SHISA6: variants seen among roughly 807,000 people sequenced by gnomAD.
SHISA6 encodes protein shisa-6.
In SHISA6, 22 loss-of-function variants were observed where a neutral mutation model predicts 47.9. The observed-to-expected ratio is 0.46, with a 90% CI of 0.33 to 0.66. SHISA6 has a LOEUF of 0.66. Ranked by LOEUF, SHISA6 falls within the 30% of genes least tolerant of loss-of-function variation. The pLI, the probability that SHISA6 is intolerant of heterozygous loss-of-function variation, is 0.02. For synonymous variants in SHISA6, 388 were observed against 337.8 expected, an observed-to-expected ratio of 1.15 and a Z score of -1.63; for missense variants, 680 against 764.6, an observed-to-expected ratio of 0.89 and a Z score of 1.30.
chr17:11,249,940 A>G (rs1907739354), intron 1 of SHISA6, among the ~76,000 whole-genome samples: 1 of 152,214 alleles, frequency 6.6e-6, no homozygotes, highest in Non-Finnish European at 1.5e-5. Flanking sequence ...GTGCCTGGCA[A>G]TCCACGATGA....
chr17:11,295,207 G>T (rs530972885), intron 2 of SHISA6, among the ~76,000 whole-genome samples: 2 of 152,190 alleles, frequency 1.3e-5, no homozygotes, highest in East Asian at 1.9e-4. Context: ...AATTGAAACC[G>T]CAGAAAGCAA....
intron 3 of SHISA6, among the ~76,000 whole-genome samples, chr17:11,528,791 A>C (rs1051897805): frequency 2.6e-5 from 4 of 152,208 alleles, no homozygotes; most frequent in Non-Finnish European, 4.4e-5. Context: ...CATGACACAG[A>C]CATCACCAGA....
chr17:11,541,705 T>G (rs1861573), intron 3 of SHISA6, among the ~76,000 whole-genome samples: 1 of 151,962 alleles, frequency 6.6e-6, no homozygotes, highest in Non-Finnish European at 1.5e-5. Context: ...AAAATGTATT[T>G]GGAATTTTAC....
intron 1 of SHISA6, among the ~76,000 whole-genome samples, chr17:11,248,403 A>G (rs974869985): frequency 2.0e-5 from 3 of 152,188 alleles, no homozygotes; most frequent in African/African-American, 7.2e-5. Context: ...AGTGCCAAGG[A>G]GCCCAGCTAG....
chr17:11,271,109 G>T (rs899724229), intron 2 of SHISA6, among the ~76,000 whole-genome samples: 2 of 152,106 alleles, frequency 1.3e-5, no homozygotes, highest in African/African-American at 4.8e-5. Flanking sequence ...GGCGGGAAGG[G>T]TGTGAAACAG....
intron 3 of SHISA6, among the ~76,000 whole-genome samples, chr17:11,529,836 G>T (rs2071717373): frequency 6.6e-6 from 1 of 151,976 alleles, no homozygotes; most frequent in Admixed American, 6.6e-5. Context: ...CCTAATAGGG[G>T]AAAAATGGGC....
chr17:11,329,358 G>A (rs187559454), intron 2 of SHISA6, among the ~76,000 whole-genome samples: 2 of 152,158 alleles, frequency 1.3e-5, no homozygotes, highest in Admixed American at 6.5e-5. Flanking sequence ...AATGTAAATC[G>A]ACACCAAATT....
At chr17:11,552,820 A>C (rs1383011402) in intron 4 of SHISA6, among the ~76,000 whole-genome samples, 1 of 152,238 alleles carries the variant, frequency 6.6e-6, no homozygotes, top group Non-Finnish European at 1.5e-5. Flanking sequence ...AAATGATGAA[A>C]GCAATAGTAT....
At chr17:11,281,216 C>T (rs1909109110) in intron 2 of SHISA6, among the ~76,000 whole-genome samples, 2 of 152,044 alleles carry the variant, frequency 1.3e-5, no homozygotes, top group Non-Finnish European at 2.9e-5. Context: ...AACATACAGT[C>T]AAAGTGGTGA....
chr17:11,464,289 A>C (rs1000457877), intron 3 of SHISA6, among the ~76,000 whole-genome samples: 7 of 152,206 alleles, frequency 4.6e-5, no homozygotes, highest in African/African-American at 1.4e-4. Flanking sequence ...TCCTTTTTGG[A>C]TTAACTATAA....
intron 3 of SHISA6, among the ~76,000 whole-genome samples, chr17:11,473,985 A>C (rs1915992112): frequency 1.3e-5 from 2 of 150,906 alleles, no homozygotes; most frequent in Admixed American, 6.6e-5. Context: ...TTCAACCCCC[A>C]CTTATGAGTG....
chr17:11,500,339 C>A lies in SHISA6; in HGVS notation c.896-51557C>A, dbSNP rs114480762. On this transcript the variant is annotated intron_variant, in intron 3 of 5. Coordinates refer to ENST00000441885, the MANE Select transcript of SHISA6 (RefSeq NM_207386.4). ...ATGGAAGCCAGATTATGAGGTTGCACAACTCCAATGATGCCCTTCCCATTG... is the reference window on the plus strand; with the variant it reads ...ATGGAAGCCAGATTATGAGGTTGCAAAACTCCAATGATGCCCTTCCCATTG... Among the ~76,000 whole-genome samples the A allele has an allele frequency of 6.9e-3, 1,054 of 152,270 alleles. 15 individuals carry two copies. Among genetic ancestry groups the A allele is most frequent in the African/African-American group, 0.024 (1,006 of 41,562 alleles).
chr17:11,470,014 TTCTC>T (rs2142320972), intron 3 of SHISA6, among the ~76,000 whole-genome samples: 1 of 152,262 alleles, frequency 6.6e-6, no homozygotes, highest in South Asian at 2.1e-4. Context: ...GGCTCTCTCT[TTCTC>T]TGAGCATGCA....
intron 3 of SHISA6, among the ~76,000 whole-genome samples, chr17:11,534,587 C>T (rs2071769396): frequency 4.6e-5 from 7 of 151,858 alleles, no homozygotes; most frequent in Admixed American, 4.6e-4. Context: ...GTAAGCACCC[C>T]CAAGAAATGA....
chr17:11,245,095 C>T (rs1056202595), intron 1 of SHISA6, among the ~76,000 whole-genome samples: 8 of 152,196 alleles, frequency 5.3e-5, no homozygotes, highest in Non-Finnish European at 1.0e-4. Context: ...ACCTTGCTAT[C>T]GTGTTTCTGA....
At chr17:11,306,238 G>T (rs1910104511) in intron 2 of SHISA6, among the ~76,000 whole-genome samples, 1 of 152,136 alleles carries the variant, frequency 6.6e-6, no homozygotes, top group Non-Finnish European at 1.5e-5. Flanking sequence ...CCGATCCAGA[G>T]GTTGAAAAAG....
chr17:11,421,763 G>A (rs1250862729), intron 3 of SHISA6, among the ~76,000 whole-genome samples: 12 of 152,228 alleles, frequency 7.9e-5, no homozygotes, highest in Non-Finnish European at 1.5e-4. Flanking sequence ...CTTTGCAAAT[G>A]GAGCATGAGG....
chr17:11,370,260 C>G (rs1165328447), intron 2 of SHISA6, among the ~76,000 whole-genome samples: 1 of 152,132 alleles, frequency 6.6e-6, no homozygotes, highest in Admixed American at 6.6e-5. Flanking sequence ...ATGTAACTTT[C>G]TTAAGATAAT....
chr17:11,248,497 T>C (rs1444422778), intron 1 of SHISA6, among the ~76,000 whole-genome samples: 3 of 152,140 alleles, frequency 2.0e-5, no homozygotes, highest in African/African-American at 7.2e-5. Context: ...TATATTCTGC[T>C]TCTTTACTCT....
Sources: gnomAD v4.1 joint callset for allele counts (sites outside exome capture counted in the v4.1 genomes callset) on GRCh38, gnomAD v4.1.1 for gene constraint, MANE v1.5 for transcripts, NCBI Gene and HGNC (gene_info 2026-07-23, HGNC 2026-07-21) for gene names.